The following INTS13 variants were observed in gnomAD, a reference collection of about 807,000 sequenced individuals.
INTS13 encodes the protein integrator complex subunit 13.
INTS13 carries 35 observed loss-of-function variants against 90.2 expected under a neutral mutation model. The observed-to-expected ratio is 0.39, with a 90% CI of 0.30 to 0.51. The LOEUF (loss-of-function observed/expected upper bound fraction) is 0.51. Ranked by LOEUF, INTS13 falls within the 20% of genes least tolerant of loss-of-function variation. INTS13 has a pLI of 0.80. For synonymous variants in INTS13, 309 were observed against 277.1 expected (o/e 1.11, Z -1.14); for missense variants, 601 against 851.2 (o/e 0.71, Z 3.66).
At chr12:26,926,731 T>C (rs1361528205) in intron 5 of INTS13, among the ~76,000 whole-genome samples, 1 of 152,246 alleles carries the variant, frequency 6.6e-6, no homozygotes, top group Non-Finnish European at 1.5e-5. Context: ...ATTTGGTTTC[T>C]GACCCCAGTT....
intron 2 of INTS13, among the ~76,000 whole-genome samples, chr12:26,935,985 A>C (rs989589011): frequency 1.3e-5 from 2 of 152,218 alleles, no homozygotes; most frequent in African/African-American, 4.8e-5. Flanking sequence ...CTGATAAACC[A>C]TATCCACTTA....
chr12:26,933,629 G>A (rs1220045993), intron 3 of INTS13, among the ~76,000 whole-genome samples: 1 of 151,986 alleles, frequency 6.6e-6, no homozygotes, highest in South Asian at 2.1e-4. Context: ...GAAAAAGAGA[G>A]GAAAAAAAAT....
chr12:26,926,055 T>C (rs769591349), intron 5 of INTS13, among the ~76,000 whole-genome samples: 8 of 152,128 alleles, frequency 5.3e-5, no homozygotes, highest in Non-Finnish European at 1.2e-4. Flanking sequence ...CAAATTTAAT[T>C]TAAATGCAAA....
chr12:26,917,464 T>A (rs1325055742), intron 9 of INTS13, 23 bp from the exon 10 acceptor site: 2 of 1,359,830 alleles, frequency 1.5e-6, no homozygotes, highest in Non-Finnish European at 2.1e-6. Context: ...AAAACACTGA[T>A]TTGAAAGAAT....
chr12:26,937,751 C>T (rs550276274), intron 1 of INTS13, 45 bp downstream of exon 1: 41 of 152,868 alleles, frequency 2.7e-4, no homozygotes, highest in African/African-American at 9.6e-4. Flanking sequence ...GTGGAAAATA[C>T]AAGGTGAGTG....
chr12:26,910,021 G>C (rs1951727871), intron 15 of INTS13, among the ~76,000 whole-genome samples: 3 of 152,210 alleles, frequency 2.0e-5, no homozygotes, highest in African/African-American at 7.2e-5. Flanking sequence ...CTAAAGCCTA[G>C]AACGATTTCA....
chr12:26,914,086 C>T lies in INTS13; in HGVS notation c.1462G>A (p.Glu488Lys), dbSNP rs1951865474. 1.2e-6 allele frequency: 2 copies of T among 1,607,852 alleles called. No individual in the cohort carries two copies. Among genetic ancestry groups the T allele is most frequent in the Non-Finnish European group, 8.5e-7 (1 of 1,178,312 alleles). ...ASVIVKESLT[E>K]EDVLNCQKTI... The stretch of plus-strand genomic sequence containing the variant: ...TTTTGACAGTTTAACACATCTTCTT[C>T]TGTCAGAGATTCTTTCACAATAACA... Residue 488 changes from glutamate (E) to lysine (K), a missense_variant, in exon 13 of 17, where the codon GAA becomes AAA. Glu to Lys is a moderately conservative substitution (Grantham distance 56). This residue lies in a region of INTS13 where 228 missense variants were observed against 272.5 expected (regional missense o/e 0.84). Coordinates refer to ENST00000261191, the MANE Select transcript of INTS13 (RefSeq NM_018164.3).
At chr12:26,914,638 C>A (rs1447271833) in intron 11 of INTS13, 60 bp from the exon 12 acceptor site, 5 of 1,360,452 alleles carry the variant, frequency 3.7e-6, no homozygotes, top group Non-Finnish European at 1.0e-6. Flanking sequence ...GTATGGATTA[C>A]ATGTACTAGT....
chr12:26,925,897 T>C, intron 5 of INTS13, 46 bp from the exon 6 acceptor site: 1 of 1,372,970 alleles, frequency 7.3e-7, no homozygotes, highest in South Asian at 1.2e-5. Context: ...ACATAGTATG[T>C]AAAGAATTCA....
Position 26,915,688 on chromosome 12 carries a change from G to A in INTS13, c.1248+314C>T, listed in dbSNP as rs568956703. Among the ~76,000 whole-genome samples, 12 of 152,200 alleles carry A rather than the reference G, an allele frequency of 7.9e-5. No homozygotes were observed. The South Asian group carries it at 1.9e-3, about 24-fold the overall frequency. On this transcript the variant is annotated intron_variant, in intron 11 of 16. Transcript: ENST00000261191. ...AGCAATCCAAATATTCCAGGTTTCTGTTTGCCATTTAAATTACTAGAAATT... is the reference window on the plus strand; with the variant it reads ...AGCAATCCAAATATTCCAGGTTTCTATTTGCCATTTAAATTACTAGAAATT...
intron 7 of INTS13, 151 bp from the exon 8 acceptor site, chr12:26,922,851 C>G (rs1937662442): frequency 2.1e-6 from 1 of 483,748 alleles, no homozygotes; most frequent in Non-Finnish European, 3.6e-6. Flanking sequence ...TTTAAAGATG[C>G]AAGTGTTCCA....
intron 10 of INTS13, among the ~76,000 whole-genome samples, chr12:26,917,036 T>A (rs1951955405): frequency 6.6e-6 from 1 of 152,106 alleles, no homozygotes. Context: ...CTAAAACAAA[T>A]CAATTTAGAC....
At chr12:26,911,134 C>T in intron 15 of INTS13, 44 bp downstream of exon 15, 4 of 1,580,380 alleles carry the variant, frequency 2.5e-6, no homozygotes, top group Non-Finnish European at 2.6e-6. Flanking sequence ...CACACCCGGC[C>T]TGGAAAACTT....
chr12:26,936,111 C>T (rs1040891199), intron 2 of INTS13, among the ~76,000 whole-genome samples: 2 of 152,216 alleles, frequency 1.3e-5, no homozygotes, highest in African/African-American at 4.8e-5. Context: ...TCTGCCTCTA[C>T]GTAACTATGT....
rs368117663 is a variant in INTS13, at chr12:26,917,728, A to T, written c.895T>A (p.Ser299Thr). Reference sequence around the variant, plus strand: ...TCTCGACTGCCGCCACCTAGATGCGAATCACCTTTAAAAATATGTCAGAGA... The same window carrying T: ...TCTCGACTGCCGCCACCTAGATGCGTATCACCTTTAAAAATATGTCAGAGA... ...AHVDFLKSGDSHLGGGSREGS... is the reference protein window; with the variant it reads ...AHVDFLKSGDTHLGGGSREGS... Residue 299 changes from serine (S) to threonine (T), a missense_variant, in exon 9 of 17, where the codon TCG (serine) becomes ACG (threonine). Ser to Thr is a moderately conservative substitution (Grantham distance 58). Coordinates refer to ENST00000261191, the MANE Select transcript of INTS13 (RefSeq NM_018164.3). 4 of 1,613,066 alleles carry T rather than the reference A, an allele frequency of 2.5e-6. No individual in the cohort carries two copies. Among genetic ancestry groups the T allele is most frequent in the Non-Finnish European group, 3.4e-6 (4 of 1,179,170 alleles).
rs774694636 is a variant in INTS13, at chr12:26,922,692, C to T, written c.813G>A (p.Gln271=). The T allele has an allele frequency of 8.1e-5, 126 of 1,563,290 alleles. No homozygotes were observed. Among genetic ancestry groups the T allele is most frequent in the Middle Eastern group, 3.4e-4 (2 of 5,916 alleles). ...TITNIPMKEE[Q]HANTSANYDV... ...CATAATTGGCAGATGTGTTAGCATG[C>T]TGTTCTTCCTTGAAGTAAAATTTCA... The change falls in exon 8 of 17, where the codon CAG becomes CAA. Residue 271 remains glutamine, a synonymous_variant. Coordinates refer to ENST00000261191, the MANE Select transcript of INTS13 (RefSeq NM_018164.3).
chr12:26,918,790 A>C (rs540302428), intron 8 of INTS13, among the ~76,000 whole-genome samples: 124 of 152,356 alleles, frequency 8.1e-4, no homozygotes, highest in Admixed American at 1.3e-3. Context: ...CTGTAGAGGG[A>C]GATCTGTCCT....
intron 16 of INTS13, 103 bp from the exon 17 acceptor site, chr12:26,905,639 A>G: frequency 9.0e-7 from 1 of 1,114,630 alleles, no homozygotes; most frequent in Non-Finnish European, 1.3e-6. Context: ...TATTCACAGA[A>G]CAGAACATCA....
intron 15 of INTS13, 110 bp from the exon 16 acceptor site, chr12:26,906,547 T>A: frequency 1.8e-6 from 2 of 1,097,176 alleles, no homozygotes; most frequent in South Asian, 1.4e-5. Flanking sequence ...TTTACACAAT[T>A]AAGGCAGTTA....
Sources: gnomAD v4.1 joint callset for allele counts (sites outside exome capture counted in the v4.1 genomes callset) on GRCh38, gnomAD v4.1.1 for gene constraint, gnomAD v4.1.1 regional missense constraint, MANE v1.5 for transcripts, NCBI Gene and HGNC (gene_info 2026-07-23, HGNC 2026-07-21) for gene names.